CCBE1: variants seen among roughly 807,000 people sequenced by gnomAD.
CCBE1 encodes the protein collagen and calcium-binding EGF domain-containing protein 1.
In CCBE1, 37 loss-of-function variants were observed where a neutral mutation model predicts 50.0. The observed-to-expected ratio is 0.74, with a 90% CI of 0.57 to 0.97. The LOEUF is 0.97. Ranked by LOEUF, CCBE1 falls within the 50% of genes least tolerant of loss-of-function variation. The pLI is 0.00. For missense variants in CCBE1, 538 were observed against 523.8 expected, an observed-to-expected ratio of 1.03 and a Z score of -0.26; for synonymous variants, 234 against 203.7, an observed-to-expected ratio of 1.15 and a Z score of -1.27.
rs75557105 is a variant in CCBE1, at chr18:59,440,319, G to C, written c.776-503C>G. ...TTAGTTTCTCATCTCATCTGTAAAA[G>C]TGGGCTAATAAAAATCTTCCTTATG... On this transcript the variant is annotated intron_variant, in intron 7 of 10. Transcript: ENST00000439986. Among the ~76,000 whole-genome samples the C allele has an allele frequency of 3.3e-3, 510 of 152,324 alleles. 1 individual carries two copies. The highest frequency in any genetic ancestry group is 0.012 in the African/African-American group (488 of 41,584).
intron 2 of CCBE1, among the ~76,000 whole-genome samples, chr18:59,483,592 T>C (rs925215141): frequency 1.2e-4 from 18 of 152,196 alleles, no homozygotes; most frequent in African/African-American, 4.3e-4. Context: ...ACAAAATTTA[T>C]AAAAATTTCA....
chr18:59,613,057 CCTT>C (rs1456165315), intron 2 of CCBE1, among the ~76,000 whole-genome samples: 1 of 151,862 alleles, frequency 6.6e-6, no homozygotes, highest in African/African-American at 2.4e-5. Context: ...AAAGGAAACT[CCTT>C]CATCAGGGGC....
intron 2 of CCBE1, among the ~76,000 whole-genome samples, chr18:59,661,031 G>A (rs1316169271): frequency 6.6e-6 from 1 of 151,236 alleles, no homozygotes; most frequent in South Asian, 2.1e-4. Context: ...TTTAAAATAC[G>A]TATTTTTTTC....
In CCBE1 at chr18:59,471,751, A is replaced by G. The variant is rs544249625; in HGVS notation, c.266-2144T>C. ...GACAGTGACACACATAGAGACACAG[A>G]CAGATACAGACAGGGAGGCTGGAAG... On this transcript the variant is annotated intron_variant, in intron 3 of 10. Transcript: ENST00000439986. Among the ~76,000 whole-genome samples, 14 of 152,338 alleles carry G rather than the reference A, an allele frequency of 9.2e-5. No homozygotes were observed. In the East Asian group the frequency reaches 2.7e-3, roughly 29 times the overall value.
At chr18:59,657,389 C>A (rs2054204814) in intron 2 of CCBE1, among the ~76,000 whole-genome samples, 1 of 152,182 alleles carries the variant, frequency 6.6e-6, no homozygotes, top group African/African-American at 2.4e-5. Flanking sequence ...GAGTAGAGAT[C>A]CCGAAGACCA....
chr18:59,522,732 G>GT (rs1377316700), intron 2 of CCBE1, among the ~76,000 whole-genome samples: 1 of 152,150 alleles, frequency 6.6e-6, no homozygotes, highest in Non-Finnish European at 1.5e-5. Flanking sequence ...GCTCACGCCT[G>GT]TAATCCCAGC....
chr18:59,637,673 C>T (rs953594870), intron 2 of CCBE1, among the ~76,000 whole-genome samples: 8 of 152,114 alleles, frequency 5.3e-5, no homozygotes, highest in African/African-American at 1.9e-4. Flanking sequence ...ACTTCAGATG[C>T]AACTGATTTA....
At chr18:59,516,577 C>G (rs1476341484) in intron 2 of CCBE1, among the ~76,000 whole-genome samples, 1 of 152,188 alleles carries the variant, frequency 6.6e-6, no homozygotes, top group Non-Finnish European at 1.5e-5. Flanking sequence ...CAGGGGGTCA[C>G]TGCAGTTTAT....
chr18:59,431,234 T>C lies in CCBE1; in HGVS notation c.*4674A>G, dbSNP rs1450408188. On this transcript the variant is annotated 3_prime_UTR_variant, in exon 11 of 11. Transcript: ENST00000439986. ...GGAGCATGTGAAGTTCATGATTATA[T>C]GCCTTAACAATTACAGTCATGGTGT... The C allele has an allele frequency of 1.3e-5, 2 of 152,258 alleles. No individual in the cohort carries two copies. Among genetic ancestry groups the C allele is most frequent in the African/African-American group, 2.4e-5 (1 of 41,462 alleles). 9.4% of individuals were successfully genotyped at this position (152,258 alleles called of 1,614,324 possible).
chr18:59,580,208 AAC>A (rs2053062195), intron 2 of CCBE1, among the ~76,000 whole-genome samples: 1 of 152,188 alleles, frequency 6.6e-6, no homozygotes, highest in Non-Finnish European at 1.5e-5. Flanking sequence ...TGCTGAAATA[AAC>A]ACATATCTGA....
chr18:59,682,941 A>G (rs750306288), intron 2 of CCBE1, among the ~76,000 whole-genome samples: 87 of 152,264 alleles, frequency 5.7e-4, no homozygotes, highest in Non-Finnish European at 1.0e-3. Context: ...CCTTCCCTGT[A>G]GGAACTACAG....
At chr18:59,596,641 A>G (rs1238947384) in intron 2 of CCBE1, among the ~76,000 whole-genome samples, 2 of 152,174 alleles carry the variant, frequency 1.3e-5, no homozygotes, top group Non-Finnish European at 2.9e-5. Context: ...CTCACAATTG[A>G]TAGCTGAGAA....
intron 2 of CCBE1, among the ~76,000 whole-genome samples, chr18:59,492,468 G>C (rs145771001): frequency 6.6e-6 from 1 of 152,170 alleles, no homozygotes; most frequent in Admixed American, 6.5e-5. Context: ...CAGGATGTGA[G>C]TGACTGATGG....
intron 6 of CCBE1, among the ~76,000 whole-genome samples, chr18:59,451,872 C>T (rs1217571682): frequency 6.6e-6 from 1 of 152,144 alleles, no homozygotes; most frequent in Non-Finnish European, 1.5e-5. Context: ...ACTTTGCCAG[C>T]CACCCCAGAC....
At chr18:59,643,359 A>G (rs2054015201) in intron 2 of CCBE1, among the ~76,000 whole-genome samples, 1 of 152,356 alleles carries the variant, frequency 6.6e-6, no homozygotes. Context: ...GTGGGACTTC[A>G]AAGAGTGTTT....
chr18:59,530,177 G>T (rs1468725309), intron 2 of CCBE1, among the ~76,000 whole-genome samples: 3 of 152,126 alleles, frequency 2.0e-5, no homozygotes, highest in Non-Finnish European at 4.4e-5. Context: ...GCCTGACTGA[G>T]GCCCACTGGC....
chr18:59,578,883 G>T (rs1167744082), intron 2 of CCBE1, among the ~76,000 whole-genome samples: 1 of 152,152 alleles, frequency 6.6e-6, no homozygotes, highest in Non-Finnish European at 1.5e-5. Context: ...AACCACCATG[G>T]CACGAGTTTA....
At position 59,435,868 on chromosome 18, in the gene CCBE1, T is replaced by G; in HGVS notation, c.*40A>C. The G allele has an allele frequency of 4.5e-6, 7 of 1,558,104 alleles. No homozygotes were observed. Among genetic ancestry groups the G allele is most frequent in the Non-Finnish European group, 6.2e-6 (7 of 1,128,926 alleles). On this transcript the variant is annotated 3_prime_UTR_variant, in exon 11 of 11. Coordinates refer to ENST00000439986, the MANE Select transcript of CCBE1 (RefSeq NM_133459.4). ...TTAGATGGTTTAACTGCAGGTGAGTTGATCTTTCTCTTCCTTTGGCGTGAC... is the reference window on the plus strand; with the variant it reads ...TTAGATGGTTTAACTGCAGGTGAGTGGATCTTTCTCTTCCTTTGGCGTGAC...
chr18:59,500,302 C>T (rs7242843), intron 2 of CCBE1, among the ~76,000 whole-genome samples: 628 of 152,324 alleles, frequency 4.1e-3, no homozygotes, highest in Non-Finnish European at 6.4e-3. Context: ...GTTAATAAAA[C>T]TCTTCATGAT....
Sources: allele counts gnomAD v4.1 joint callset (sites outside exome capture counted in the v4.1 genomes callset), GRCh38; gene constraint gnomAD v4.1.1; transcripts MANE v1.5; gene names NCBI Gene and HGNC (gene_info 2026-07-23, HGNC 2026-07-21).